The following TPO variants were observed in gnomAD, a reference collection of about 807,000 sequenced individuals.
TPO encodes thyroid peroxidase.
A neutral mutation model predicts 96.9 loss-of-function variants in TPO; 78 were observed. The observed-to-expected ratio is 0.81, with a 90% CI of 0.67 to 0.97. TPO has a LOEUF of 0.97. TPO is among the 50% of genes least tolerant of loss of function. The pLI is 0.00. For synonymous variants in TPO, 547 were observed against 538.0 expected, an observed-to-expected ratio of 1.02 and a Z score of -0.23; for missense variants, 1,252 against 1,274.8, an observed-to-expected ratio of 0.98 and a Z score of 0.27.
rs1250084076 is a variant in TPO, at chr2:1,493,978, A to C, written c.1945A>C (p.Thr649Pro). 2 of 1,613,970 alleles carry C rather than the reference A, an allele frequency of 1.2e-6. No individual in the cohort carries two copies. The highest frequency in any genetic ancestry group is 1.7e-6 in the Non-Finnish European group (2 of 1,180,026). ...TGAAAACTTCCTCCCCAGGGCTCGG[A>C]CAGGGCCCCTGTTTGCCTGTCTCAT... ...LAENFLPRAR[T>P]GPLFACLIGK... Residue 649 changes from threonine to proline, a missense_variant, in exon 11 of 17, where the codon ACA becomes CCA. Coordinates refer to ENST00000329066, the MANE Select transcript of TPO (RefSeq NM_001206744.2).
intron 14 of TPO, among the ~76,000 whole-genome samples, chr2:1,515,542 A>G (rs1249827046): frequency 1.3e-5 from 2 of 152,206 alleles, no homozygotes; most frequent in Non-Finnish European, 2.9e-5. Context: ...TGTATCCAAC[A>G]AATGCTTGCT....
intron 7 of TPO, among the ~76,000 whole-genome samples, chr2:1,462,217 GCAGGCGGGGAGGGGCTGGACCATCT>G (rs1314633416): frequency 3.3e-5 from 5 of 152,148 alleles, no homozygotes; most frequent in Non-Finnish European, 7.4e-5. Flanking sequence ...GCTGCGGGCA[GCAGGCGGGGAGGGGCTGGACCATCT>G]CAGGCGGGGA....
chr2:1,419,316 G>A (rs1302857137), intron 2 of TPO, among the ~76,000 whole-genome samples: 2 of 152,108 alleles, frequency 1.3e-5, no homozygotes, highest in African/African-American at 4.8e-5. Context: ...TGCATCAGAC[G>A]CCTCTTCCCT....
chr2:1,389,033 TTTTG>T (rs1177370951), intron 1 of TPO, among the ~76,000 whole-genome samples: 3 of 152,200 alleles, frequency 2.0e-5, no homozygotes, highest in African/African-American at 4.8e-5. Flanking sequence ...TGTTTTATTT[TTTTG>T]TTTGTTTGTT....
intron 15 of TPO, among the ~76,000 whole-genome samples, chr2:1,537,303 C>A (rs1232210394): frequency 1.6e-5 from 2 of 122,224 alleles, no homozygotes; most frequent in Non-Finnish European, 3.4e-5. Flanking sequence ...CCCTCTGCAA[C>A]GTCCCCAAAC....
At chr2:1,534,805 A>T (rs1185274125) in intron 15 of TPO, among the ~76,000 whole-genome samples, 6 of 144,320 alleles carry the variant, frequency 4.2e-5, no homozygotes, top group South Asian at 2.2e-4. Context: ...AACCTCCCCA[A>T]ATCCCCCCCA....
intron 7 of TPO, among the ~76,000 whole-genome samples, chr2:1,466,563 T>C (rs1668916305): frequency 6.6e-6 from 1 of 152,180 alleles, no homozygotes; most frequent in South Asian, 2.1e-4. Flanking sequence ...ATTTCAATCT[T>C]ACTGCTTGTT....
At chr2:1,393,482 G>C (rs911779700) in intron 1 of TPO, among the ~76,000 whole-genome samples, 26 of 152,336 alleles carry the variant, frequency 1.7e-4, no homozygotes, top group African/African-American at 5.8e-4. Flanking sequence ...GTGGGTGTTG[G>C]GGGAGGGCCT....
chr2:1,513,773 T>A (rs1256710080), intron 14 of TPO, among the ~76,000 whole-genome samples: 1 of 151,988 alleles, frequency 6.6e-6, no homozygotes, highest in South Asian at 2.1e-4. Flanking sequence ...TATGTAGACA[T>A]AGATATAGTT....
intron 15 of TPO, among the ~76,000 whole-genome samples, chr2:1,537,475 T>TCCCTATG (rs1558441400): frequency 4.3e-5 from 4 of 93,736 alleles, no homozygotes; most frequent in Non-Finnish European, 6.4e-5. Flanking sequence ...CCTCCTCAAA[T>TCCCTATG]TCTTCCACTC....
chr2:1,525,280 C>T (rs1185743213), intron 15 of TPO, among the ~76,000 whole-genome samples: 1 of 146,692 alleles, frequency 6.8e-6, no homozygotes, highest in Non-Finnish European at 1.5e-5. Context: ...CTCAAATCCC[C>T]TACTCTGTGG....
chr2:1,520,418 G>A (rs537940311), intron 15 of TPO, among the ~76,000 whole-genome samples: 1 of 152,324 alleles, frequency 6.6e-6, no homozygotes, highest in East Asian at 1.9e-4. Flanking sequence ...AGACACGGGA[G>A]GGGAGAGAAC....
chr2:1,428,169 C>G (rs890720036), intron 3 of TPO, among the ~76,000 whole-genome samples: 16 of 152,148 alleles, frequency 1.1e-4, no homozygotes, highest in Non-Finnish European at 1.8e-4. Context: ...CCTATTAATA[C>G]CTTGCTTATG....
Position 1,436,333 on chromosome 2 carries a change from A to T in TPO, c.431A>T (p.Asn144Ile). ...LPYMLPPKCP[N>I]TCLANKYRPI... is the part of the protein sequence containing the mutation. ...TACATGCTGCCCCCAAAATGCCCAA[A>T]CACTTGCCTGGCGAACAAATACAGG... The change falls in exon 5 of 17, where the codon AAC becomes ATC. Residue 144 changes from asparagine to isoleucine, a missense_variant. Coordinates refer to ENST00000329066, the MANE Select transcript of TPO (RefSeq NM_001206744.2). 1.9e-6 allele frequency: 3 copies of T among 1,614,194 alleles called. No individual in the cohort carries two copies. The highest frequency in any genetic ancestry group is 2.5e-6 in the Non-Finnish European group (3 of 1,180,042).
intron 5 of TPO, among the ~76,000 whole-genome samples, chr2:1,440,718 G>A (rs1215964507): frequency 2.6e-5 from 4 of 151,984 alleles, no homozygotes; most frequent in Non-Finnish European, 4.4e-5. Flanking sequence ...GAAGAGAATG[G>A]GCAGGCTTCT....
intron 15 of TPO, among the ~76,000 whole-genome samples, chr2:1,526,252 C>G (rs1676471410): frequency 9.2e-6 from 1 of 108,380 alleles, no homozygotes; most frequent in Non-Finnish European, 1.8e-5. Flanking sequence ...AAGTCCCCCC[C>G]ACTGTGAGCA....
intron 10 of TPO, among the ~76,000 whole-genome samples, chr2:1,493,441 C>T (rs1158205781): frequency 7.0e-6 from 1 of 143,786 alleles, no homozygotes; most frequent in African/African-American, 2.5e-5. Flanking sequence ...ACATTCTAGC[C>T]TGGCAAACTG....
chr2:1,502,843 C>A (rs1673011100), intron 13 of TPO, among the ~76,000 whole-genome samples: 1 of 152,230 alleles, frequency 6.6e-6, no homozygotes, highest in Admixed American at 6.5e-5. Flanking sequence ...CATAATGATA[C>A]CCATTCTGTA....
chr2:1,523,043 TCCC>T (rs1428684327), intron 15 of TPO, among the ~76,000 whole-genome samples: 2 of 32,580 alleles, frequency 6.1e-5, no homozygotes, highest in Admixed American at 7.9e-4. Context: ...TCCCCAAATC[TCCC>T]CAACTGTGTG....
Sources: allele counts gnomAD v4.1 joint callset (sites outside exome capture counted in the v4.1 genomes callset), GRCh38; gene constraint gnomAD v4.1.1; transcripts MANE v1.5; gene names NCBI Gene and HGNC (gene_info 2026-07-23, HGNC 2026-07-21).